The following DENND4A variants were observed in gnomAD, a reference collection of about 807,000 sequenced individuals.
DENND4A encodes DENN domain containing 4A, also known as C-myc promoter-binding protein.
A neutral mutation model predicts 199.3 loss-of-function variants in DENND4A; 70 were observed. The observed-to-expected ratio is 0.35, with a 90% CI of 0.29 to 0.43. DENND4A has a LOEUF of 0.43. Among genes scored for constraint, DENND4A ranks in the 20% least tolerant of loss-of-function variants. The probability of loss-of-function intolerance (pLI) is 1.00; values close to 1 mark genes in which losing one functional copy is unlikely to be tolerated. For missense variants in DENND4A, 1,723 were observed against 2,255.8 expected (o/e 0.76, Z 4.78); for synonymous variants, 686 against 766.9 (o/e 0.89, Z 1.74).
At position 65,669,465 on chromosome 15, in the gene DENND4A, G is replaced by A. The variant is rs558633756; in HGVS notation, c.4787+314C>T. ...TTGACTTAATTCCTGAAGAGATAGA[G>A]ACAAGAAAAAAGATAGTCATTATAA... On this transcript the variant is annotated intron_variant, in intron 27 of 32. Transcript: ENST00000443035. 5.6e-4 allele frequency among the ~76,000 whole-genome samples: 85 copies of A among 152,096 alleles called. 2 individuals are homozygous for A. The highest frequency in any genetic ancestry group is 2.0e-3 in the African/African-American group (84 of 41,506).
intron 1 of DENND4A, among the ~76,000 whole-genome samples, chr15:65,784,285 C>T (rs889932613): frequency 6.6e-6 from 1 of 152,016 alleles, no homozygotes; most frequent in Non-Finnish European, 1.5e-5. Flanking sequence ...AATGTATTGT[C>T]GTATTCTGGA....
intron 7 of DENND4A, 82 bp from the exon 8 acceptor site, chr15:65,732,900 T>C (rs1378834935): frequency 8.6e-6 from 7 of 811,428 alleles, no homozygotes; most frequent in Admixed American, 4.7e-5. Context: ...CAAGTCCAAG[T>C]TGAGTCAAAG....
chr15:65,775,216 C>G (rs183584108), intron 1 of DENND4A, among the ~76,000 whole-genome samples: 1 of 152,010 alleles, frequency 6.6e-6, no homozygotes, highest in Non-Finnish European at 1.5e-5. Flanking sequence ...CATGATTGCT[C>G]ATGCCTGTGG....
At chr15:65,769,900 T>C (rs1399002584) in intron 1 of DENND4A, among the ~76,000 whole-genome samples, 3 of 152,094 alleles carry the variant, frequency 2.0e-5, no homozygotes, top group East Asian at 3.8e-4. Context: ...AGAAATCAAA[T>C]AGTTTTATCT....
At chr15:65,753,038 C>A (rs544719312) in intron 3 of DENND4A, among the ~76,000 whole-genome samples, 17 of 152,124 alleles carry the variant, frequency 1.1e-4, no homozygotes, top group Admixed American at 9.8e-4. Flanking sequence ...TCTGCTTGCA[C>A]GCTTTTATCT....
rs1567063108 is a variant in DENND4A at position 65,738,888 on chromosome 15, C to T, written c.632-13G>A. On this transcript the variant is annotated splice_polypyrimidine_tract_variant and intron_variant, in intron 5 of 32. Transcript: ENST00000443035. ...CTACAAATTAGGCCTATAAAAACAA[C>T]AATAAATATTAGGTCATCATCTCTT... The T allele has an allele frequency of 1.3e-6, 2 of 1,538,876 alleles. No individual in the cohort carries two copies. The highest frequency in any genetic ancestry group is 1.2e-5 in the South Asian group (1 of 80,664).
chr15:65,660,617 T>C lies in DENND4A; in HGVS notation c.*1234A>G. Reference sequence around the variant, plus strand: ...AGAAATAATATGACTAAAAATATATTTTTAAAGCTATTTAATACTCATGAT... The same window carrying C: ...AGAAATAATATGACTAAAAATATATCTTTAAAGCTATTTAATACTCATGAT... On this transcript the variant is annotated 3_prime_UTR_variant, in exon 33 of 33. Coordinates refer to ENST00000443035, the MANE Select transcript of DENND4A (RefSeq NM_001320835.1). 3.8e-6 allele frequency: 1 copy of C among 265,138 alleles called. No homozygotes were observed. Among genetic ancestry groups the C allele is most frequent in the Non-Finnish European group, 7.1e-6 (1 of 141,104 alleles). 16.4% of individuals were successfully genotyped at this position (265,138 alleles called of 1,614,324 possible). A position where few individuals can be genotyped will look rare whatever the true frequency, so the allele number is the denominator to read the frequency against.
At chr15:65,753,919 C>G (rs1440393678) in intron 3 of DENND4A, 1 of 150,430 alleles carries the variant, frequency 6.6e-6, no homozygotes, top group African/African-American at 2.4e-5. Flanking sequence ...ACTGCAACCT[C>G]CGCCTCCTGG....
At chr15:65,758,518 C>T (rs1273109908) in intron 2 of DENND4A, among the ~76,000 whole-genome samples, 1 of 152,072 alleles carries the variant, frequency 6.6e-6, no homozygotes, top group African/African-American at 2.4e-5. Context: ...CATTTTGTTG[C>T]CCAGGCTGGT....
intron 23 of DENND4A, among the ~76,000 whole-genome samples, chr15:65,689,084 C>T (rs186647202): frequency 6.6e-6 from 1 of 152,210 alleles, no homozygotes; most frequent in African/African-American, 2.4e-5. Context: ...CAGAAGACCA[C>T]TGCTCCTTTG....
In DENND4A at chr15:65,702,939, C is replaced by A. The variant is rs2074926065; in HGVS notation, c.2157G>T (p.Lys719Asn). 1.9e-6 allele frequency: 3 copies of A among 1,613,092 alleles called. No individual in the cohort carries two copies. The East Asian group carries it at 6.7e-5, about 36-fold the overall frequency. Residue 719 changes from lysine to asparagine, a missense_variant, in exon 16 of 33, where the codon AAG (lysine) becomes AAT (asparagine). Lys to Asn is a moderately conservative substitution (Grantham distance 94, BLOSUM62 0). Coordinates refer to ENST00000443035, the MANE Select transcript of DENND4A (RefSeq NM_001320835.1). ...ERPEGFLQAK[K>N]NKLPSKSSSP... is the part of the protein sequence containing the mutation. ...TACTTGATTTTGAAGGCAATTTGTT[C>A]TTCTTTGCTTGTAGAAATCCTTCAG...
chr15:65,789,749 C>G (rs1433776211), intron 1 of DENND4A, among the ~76,000 whole-genome samples: 4 of 152,194 alleles, frequency 2.6e-5, no homozygotes, highest in African/African-American at 9.7e-5. Flanking sequence ...TGCATCAGTG[C>G]TTTAACTAGG....
chr15:65,768,795 C>A (rs1048352816), intron 1 of DENND4A, among the ~76,000 whole-genome samples: 1 of 151,666 alleles, frequency 6.6e-6, no homozygotes, highest in African/African-American at 2.4e-5. Context: ...CCAGCCTGGC[C>A]AACATGGTGA....
intron 12 of DENND4A, among the ~76,000 whole-genome samples, chr15:65,719,772 G>A (rs2075551126): frequency 1.3e-5 from 2 of 151,410 alleles, no homozygotes; most frequent in Non-Finnish European, 1.5e-5. Flanking sequence ...GCTTGTGTCT[G>A]TAGTCCCAGC....
Position 65,784,651 on chromosome 15 carries a change from G to T in DENND4A, c.-102+7359C>A, listed in dbSNP as rs957252227. On this transcript the variant is annotated intron_variant, in intron 1 of 32. Transcript: ENST00000443035. ...GGGTTGGACAAAAACAGAAATACAG[G>T]TAGTATTGTGCAAAATAATCTCAAC... Among the ~76,000 whole-genome samples, 9 of 152,048 alleles carry T rather than the reference G, an allele frequency of 5.9e-5. No individual in the cohort carries two copies. The East Asian group carries it at 9.6e-4, about 16-fold the overall frequency.
chr15:65,690,463 T>C lies in DENND4A; in HGVS notation c.4131A>G (p.Lys1377=). 6.2e-7 allele frequency: 1 copy of C among 1,606,574 alleles called. No homozygotes were observed. Among genetic ancestry groups the C allele is most frequent in the East Asian group, 2.2e-5 (1 of 44,806 alleles). ...MFTAGKGVAE[K]ASKWYSRFTM... is the part of the protein sequence containing the mutation. ...TGAATCTTGAATACCATTTGCTTGC[T>C]TTCTCTGCAACTCCTTTTCCAGCAG... Residue 1377 remains lysine, a synonymous_variant, in exon 23 of 33, where the codon AAA becomes AAG. Transcript: ENST00000443035.
At position 65,701,866 on chromosome 15, in the gene DENND4A, G is replaced by A; in HGVS notation, c.2455C>T (p.Leu819Phe). The A allele has an allele frequency of 6.2e-7, 1 of 1,613,876 alleles. No individual in the cohort carries two copies. The highest frequency in any genetic ancestry group is 8.5e-7 in the Non-Finnish European group (1 of 1,179,824). Residue 819 changes from leucine to phenylalanine, a missense_variant, in exon 18 of 33, where the codon CTC becomes TTC. Physicochemically the swap from Leu to Phe is conservative, Grantham distance 22. Coordinates refer to ENST00000443035, the MANE Select transcript of DENND4A (RefSeq NM_001320835.1). ...DEVCYRILMQ[L>F]CGQYDQPVLA... ...ACTGGCTGATCATATTGTCCACAGA[G>A]TTGCATAAGAATGCGGTAGCATACC... is the stretch of plus-strand genomic sequence containing the variant.
In DENND4A at chr15:65,715,468, T is replaced by A; in HGVS notation, c.1953+10A>T. On this transcript the variant is annotated intron_variant, in intron 14 of 32. Coordinates refer to ENST00000443035, the MANE Select transcript of DENND4A (RefSeq NM_001320835.1). ...ATAAGTTAGGGCATTGTAGATGTAC[T>A]GTTACTTACTTTATCTACACAATCA... 6.2e-7 allele frequency: 1 copy of A among 1,603,162 alleles called. No individual in the cohort carries two copies. The highest frequency in any genetic ancestry group is 8.5e-7 in the Non-Finnish European group (1 of 1,177,122).
chr15:65,680,144 T>C lies in DENND4A; in HGVS notation c.4180-3510A>G, dbSNP rs191442551. Among the ~76,000 whole-genome samples the C allele has an allele frequency of 1.7e-3, 261 of 152,328 alleles. 1 individual carries two copies. Among genetic ancestry groups the C allele is most frequent in the African/African-American group, 5.7e-3 (237 of 41,572 alleles). ...TAAGTAGTCTTTTAATTTAATTACC[T>C]GGCTGTGTAATTTTATACTTCTGCC... On this transcript the variant is annotated intron_variant, in intron 23 of 32. Transcript: ENST00000443035.
Sources: gnomAD v4.1 joint callset for allele counts (sites outside exome capture counted in the v4.1 genomes callset) on GRCh38, gnomAD v4.1.1 for gene constraint, MANE v1.5 for transcripts, NCBI Gene and HGNC (gene_info 2026-07-23, HGNC 2026-07-21) for gene names.